SMC4: variants seen among roughly 807,000 people sequenced by gnomAD.
SMC4 encodes structural maintenance of chromosomes protein 4.
In SMC4, 87 loss-of-function variants were observed where a neutral mutation model predicts 145.6. The observed-to-expected ratio is 0.60, with a 90% CI of 0.50 to 0.71. The LOEUF (loss-of-function observed/expected upper bound fraction) is 0.71, where lower values mean the gene tolerates loss of function less well. Ranked by LOEUF, SMC4 falls within the 30% of genes least tolerant of loss-of-function variation. The pLI, the probability that SMC4 is intolerant of heterozygous loss-of-function variation, is 0.00. For synonymous variants in SMC4, 558 were observed against 500.7 expected (o/e 1.11, Z -1.53); for missense variants, 1,447 against 1,537.1 (o/e 0.94, Z 0.98).
intron 5 of SMC4, among the ~76,000 whole-genome samples, chr3:160,411,410 A>G (rs1715979424): frequency 6.6e-6 from 1 of 152,224 alleles, no homozygotes. Flanking sequence ...CCTAAAAACC[A>G]TGTTTGTAGA....
chr3:160,421,928 G>A (rs903097084), intron 13 of SMC4, among the ~76,000 whole-genome samples: 1 of 152,006 alleles, frequency 6.6e-6, no homozygotes, highest in African/African-American at 2.4e-5. Context: ...CTACTTTTTT[G>A]TTTCTGTAGA....
intron 20 of SMC4, 77 bp downstream of exon 20, chr3:160,431,282 G>T (rs552466174): frequency 8.0e-7 from 1 of 1,243,858 alleles, no homozygotes; most frequent in African/African-American, 1.6e-5. Flanking sequence ...ATTGTTTTAG[G>T]GGGTTGGGGT....
At chr3:160,405,086 A>G (rs900313040) in intron 5 of SMC4, among the ~76,000 whole-genome samples, 7 of 152,186 alleles carry the variant, frequency 4.6e-5, no homozygotes, top group Middle Eastern at 3.4e-3. Context: ...AAAATGACTT[A>G]CTTGGTGGAA....
chr3:160,417,666 C>A, intron 10 of SMC4, 57 bp from the exon 11 acceptor site: 1 of 1,262,192 alleles, frequency 7.9e-7, no homozygotes, highest in African/African-American at 1.5e-5. Flanking sequence ...GGTTTCATTT[C>A]AGTGTAGGTT....
chr3:160,428,313 T>C (rs565150025), intron 17 of SMC4, among the ~76,000 whole-genome samples: 3 of 152,374 alleles, frequency 2.0e-5, no homozygotes, highest in Admixed American at 1.3e-4. Flanking sequence ...ATTCATCTTA[T>C]ATCCTCCACT....
rs928071176 is a variant in SMC4, at chr3:160,399,705, C to T, written c.-50C>T. On this transcript the variant is annotated 5_prime_UTR_variant, in exon 1 of 24. Coordinates refer to ENST00000357388, the MANE Select transcript of SMC4 (RefSeq NM_001002800.3). ...ACCGGTAGGAGCGGGGAGGTGGGTACTACACAACCGTCTCCAGCCTTGGTC... is the reference window on the plus strand; with the variant it reads ...ACCGGTAGGAGCGGGGAGGTGGGTATTACACAACCGTCTCCAGCCTTGGTC... 1.3e-5 allele frequency: 2 copies of T among 152,670 alleles called. No individual in the cohort carries two copies. The highest frequency in any genetic ancestry group is 1.3e-4 in the Admixed American group (2 of 15,288). The allele number at this position is 152,670 out of a possible 1,614,324, so 9.5% of individuals were successfully genotyped here. A position where few individuals can be genotyped will look rare whatever the true frequency, so the allele number is the denominator to read the frequency against.
At chr3:160,428,460 G>GGA (rs1461458837) in intron 17 of SMC4, among the ~76,000 whole-genome samples, 2 of 152,192 alleles carry the variant, frequency 1.3e-5, no homozygotes, top group Admixed American at 6.5e-5. Context: ...CAGTAGTCAA[G>GGA]GAAGTGCCCT....
intron 17 of SMC4, among the ~76,000 whole-genome samples, 153 bp downstream of exon 17, chr3:160,426,353 A>G (rs1047934134): frequency 9.9e-5 from 15 of 152,238 alleles, no homozygotes; most frequent in African/African-American, 3.6e-4. Context: ...AGTGTTATTA[A>G]TAGTCTCATT....
chr3:160,405,860 A>G (rs535292192), intron 5 of SMC4, among the ~76,000 whole-genome samples: 3 of 152,200 alleles, frequency 2.0e-5, no homozygotes, highest in South Asian at 2.1e-4. Flanking sequence ...ATGTCCCTAT[A>G]TAATACTAAA....
chr3:160,409,265 C>CAAAAAA (rs10547167), intron 5 of SMC4, among the ~76,000 whole-genome samples: 3 of 61,976 alleles, frequency 4.8e-5, no homozygotes, highest in African/African-American at 1.2e-4. Context: ...AACTCCGTCT[C>CAAAAAA]AAAAAAAAAA....
intron 11 of SMC4, among the ~76,000 whole-genome samples, 155 bp downstream of exon 11, chr3:160,418,111 T>A (rs1247239472): frequency 6.6e-6 from 1 of 152,154 alleles, no homozygotes; most frequent in African/African-American, 2.4e-5. Context: ...CAGTATTCCA[T>A]ATGTGAACTG....
At chr3:160,400,769 C>T in intron 1 of SMC4, 53 bp from the exon 2 acceptor site, 2 of 1,426,736 alleles carry the variant, frequency 1.4e-6, no homozygotes, top group Admixed American at 3.1e-5. Flanking sequence ...GTGGGGCGGG[C>T]GCGGTGTAGC....
At position 160,423,851 on chromosome 3, in the gene SMC4, C is replaced by A; in HGVS notation, c.2325+11C>A. 2 of 1,577,158 alleles carry A rather than the reference C, an allele frequency of 1.3e-6. No individual in the cohort carries two copies. Among genetic ancestry groups the A allele is most frequent in the Non-Finnish European group, 1.7e-6 (2 of 1,160,154 alleles). On this transcript the variant is annotated intron_variant, in intron 15 of 23. Coordinates refer to ENST00000357388, the MANE Select transcript of SMC4 (RefSeq NM_001002800.3). ...ATCTCTGAAGAAGAGGTCAGCATAT[C>A]TAAAATTGTATCCAGACTTTTTTTT...
chr3:160,432,286 G>A lies in SMC4; in HGVS notation c.3301G>A (p.Glu1101Lys). 1 of 1,590,168 alleles carries A rather than the reference G, an allele frequency of 6.3e-7. No individual in the cohort carries two copies. The highest frequency in any genetic ancestry group is 1.1e-5 in the South Asian group (1 of 87,744). ...CCCTATCATAATCTTTTCACAGGAA[G>A]AATTGTATTTGCAACGGGTAGCAGA... is the stretch of plus-strand genomic sequence containing the variant. ...GAIAEYKKKE[E>K]LYLQRVAELD... Residue 1101 changes from glutamate (E) to lysine (K), a missense_variant, in exon 22 of 24, where the codon GAA becomes AAA. Transcript: ENST00000357388.
At chr3:160,404,715 C>T (rs766678915) in intron 5 of SMC4, 1 of 692,456 alleles carries the variant, frequency 1.4e-6, no homozygotes, top group South Asian at 1.4e-5. Context: ...ATCAGATGTT[C>T]GTTTTATGTT....
chr3:160,418,981 T>C (rs1002371134), intron 11 of SMC4, among the ~76,000 whole-genome samples: 2 of 152,326 alleles, frequency 1.3e-5, no homozygotes, highest in Admixed American at 6.5e-5. Flanking sequence ...TCCTGCCCAG[T>C]CATTTTCTGG....
At chr3:160,413,401 A>T in intron 7 of SMC4, 72 bp from the exon 8 acceptor site, 1 of 1,435,370 alleles carries the variant, frequency 7.0e-7, no homozygotes, top group Non-Finnish European at 9.4e-7. Flanking sequence ...TAGTTTTACT[A>T]AAATTGTTAT....
chr3:160,416,392 C>G lies in SMC4; in HGVS notation c.1414C>G (p.Gln472Glu). The G allele has an allele frequency of 6.8e-7, 1 of 1,473,540 alleles. No individual in the cohort carries two copies. Among genetic ancestry groups the G allele is most frequent in the South Asian group, 1.5e-5 (1 of 65,126 alleles). The allele number at this position is 1,473,540 out of a possible 1,614,324, so 91.3% of individuals were successfully genotyped here. ...TATGGATAGCCTTAAACAGGAAACA[C>G]AAGGGCTTCAGAAAGAAAAAGAAGT... The part of the protein sequence containing the change: ...EVMDSLKQET[Q>E]GLQKEKESRE... Residue 472 changes from glutamine (Q) to glutamate (E), a missense_variant, in exon 10 of 24, where the codon CAA becomes GAA. Gln to Glu is a conservative substitution (Grantham distance 29, BLOSUM62 2). Transcript: ENST00000357388.
intron 17 of SMC4, among the ~76,000 whole-genome samples, chr3:160,427,682 G>A (rs1030190964): frequency 1.3e-5 from 2 of 152,306 alleles, no homozygotes; most frequent in East Asian, 3.9e-4. Context: ...GGACCCATTT[G>A]TGCAAGCATA....
Sources: gnomAD v4.1 joint callset for allele counts (sites outside exome capture counted in the v4.1 genomes callset) on GRCh38, gnomAD v4.1.1 for gene constraint, MANE v1.5 for transcripts, NCBI Gene and HGNC (gene_info 2026-07-23, HGNC 2026-07-21) for gene names.